TEK: variants seen among roughly 807,000 people sequenced by gnomAD.
The protein encoded by TEK is TEK receptor tyrosine kinase, also known as angiopoietin-1 receptor.
In TEK, 43 loss-of-function variants were observed where a neutral mutation model predicts 131.8. The ratio of observed to expected loss-of-function variants is 0.33; its 90% CI spans 0.26 to 0.42. The LOEUF (loss-of-function observed/expected upper bound fraction) is 0.42. TEK is among the 10% of genes least tolerant of loss of function. TEK has a pLI of 1.00. For missense variants in TEK, 1,162 were observed against 1,384.4 expected (o/e 0.84, Z 2.55); for synonymous variants, 580 against 491.6 (o/e 1.18, Z -2.38).
chr9:27,123,066 A>AAAAAAAAAAC lies in TEK; in HGVS notation c.52+13433_52+13434insCAAAAAAAAA, dbSNP rs1821857187. Among the ~76,000 whole-genome samples, 2 of 149,952 alleles carry AAAAAAAAAAC rather than the reference A, an allele frequency of 1.3e-5. 1 individual carries two copies. The highest frequency in any genetic ancestry group is 3.0e-5 in the Non-Finnish European group (2 of 67,418). ...AGACTCTGTCTCAAAAAAAAAAAAAAAAAAAAAAAAAACTGGAGGAAAGAG... is the reference window on the plus strand; with the variant it reads ...AGACTCTGTCTCAAAAAAAAAAAAAAAAAAAAAAACAAAAAAAAAAAACTGGAGGAAAGAG... On this transcript the variant is annotated intron_variant, in intron 1 of 22. Transcript: ENST00000380036.
chr9:27,125,440 C>G (rs1317661428), intron 1 of TEK, among the ~76,000 whole-genome samples: 1 of 152,216 alleles, frequency 6.6e-6, no homozygotes, highest in African/African-American at 2.4e-5. Context: ...GTGACTAAGA[C>G]TAGCTTCTAT....
At chr9:27,212,007 G>A (rs80009155) in intron 16 of TEK, among the ~76,000 whole-genome samples, 45,616 of 146,056 alleles carry the variant, frequency 0.31, 7,603 homozygotes, top group East Asian at 0.58. Context: ...AAAAAAAAGA[G>A]AGAGAGAAAT....
chr9:27,226,892 C>G (rs1342163069), intron 21 of TEK, among the ~76,000 whole-genome samples: 1 of 152,066 alleles, frequency 6.6e-6, no homozygotes, highest in Non-Finnish European at 1.5e-5. Context: ...CTGCAAGGCT[C>G]TAGGTTGAGC....
Position 27,109,314 on chromosome 9 carries a change from G to A in TEK, c.-277G>A. 1.8e-6 allele frequency: 1 copy of A among 569,338 alleles called. No homozygotes were observed. Among genetic ancestry groups the A allele is most frequent in the Non-Finnish European group, 3.1e-6 (1 of 325,278 alleles). The allele number at this position is 569,338 out of a possible 1,614,324, so 35.3% of individuals were successfully genotyped here. On this transcript the variant is annotated 5_prime_UTR_variant, in exon 1 of 23. In the 5' UTR this introduces an upstream ATG that the reference lacks. Coordinates refer to ENST00000380036, the MANE Select transcript of TEK (RefSeq NM_000459.5). Reference sequence around the variant, plus strand: ...GAATTGCGAGATGGATAGGGCTTGAGTGCCCCCAGCCCTGCTGATACCAAA... The same window carrying A: ...GAATTGCGAGATGGATAGGGCTTGAATGCCCCCAGCCCTGCTGATACCAAA...
At chr9:27,139,786 G>C (rs1409040170) in intron 1 of TEK, among the ~76,000 whole-genome samples, 2 of 151,956 alleles carry the variant, frequency 1.3e-5, no homozygotes, top group Non-Finnish European at 2.9e-5. Context: ...GAGAGGGAGA[G>C]GAAGAGAGAG....
intron 1 of TEK, among the ~76,000 whole-genome samples, chr9:27,142,214 G>T (rs1171852466): frequency 6.6e-6 from 1 of 152,218 alleles, no homozygotes; most frequent in Non-Finnish European, 1.5e-5. Flanking sequence ...TGAAAGAGTT[G>T]TTGACAATAA....
At chr9:27,137,571 A>G (rs1349995718) in intron 1 of TEK, among the ~76,000 whole-genome samples, 1 of 152,090 alleles carries the variant, frequency 6.6e-6, no homozygotes, top group African/African-American at 2.4e-5. Flanking sequence ...TTACTTTTTG[A>G]GTTCAACTTT....
At chr9:27,183,706 C>A in intron 8 of TEK, 96 bp downstream of exon 8, 1 of 1,496,916 alleles carries the variant, frequency 6.7e-7, no homozygotes, top group Non-Finnish European at 9.3e-7. Flanking sequence ...GTGCTTTTAT[C>A]CTCCTAGGCT....
At chr9:27,130,513 T>C (rs1467455689) in intron 1 of TEK, among the ~76,000 whole-genome samples, 1 of 151,220 alleles carries the variant, frequency 6.6e-6, no homozygotes, top group African/African-American at 2.4e-5. Context: ...AAACTAAAAA[T>C]CAGCACACTT....
chr9:27,222,236 A>C (rs1400540075), intron 21 of TEK, among the ~76,000 whole-genome samples: 1 of 152,206 alleles, frequency 6.6e-6, no homozygotes. Context: ...ACTACGTGAA[A>C]AGACCAAACC....
intron 1 of TEK, among the ~76,000 whole-genome samples, chr9:27,139,082 G>A (rs980090680): frequency 2.0e-5 from 3 of 151,336 alleles, no homozygotes; most frequent in Admixed American, 6.6e-5. Flanking sequence ...GGTGGTGGGC[G>A]TCTGTAGTCC....
At chr9:27,118,423 C>G (rs549693908) in intron 1 of TEK, among the ~76,000 whole-genome samples, 4 of 151,990 alleles carry the variant, frequency 2.6e-5, no homozygotes, top group African/African-American at 7.3e-5. Context: ...TTGCTTGAGC[C>G]AAGGAGTTCG....
At chr9:27,217,578 T>G in intron 18 of TEK, 110 bp from the exon 19 acceptor site, 2 of 922,730 alleles carry the variant, frequency 2.2e-6, no homozygotes, top group Non-Finnish European at 1.8e-6. Context: ...CACAAAGCAA[T>G]GATTTCTGAG....
At position 27,209,175 on chromosome 9, in the gene TEK, G is replaced by A. The variant is rs1825510198; in HGVS notation, c.2630G>A (p.Cys877Tyr). 6.2e-7 allele frequency: 1 copy of A among 1,614,082 alleles called. No individual in the cohort carries two copies. The highest frequency in any genetic ancestry group is 1.1e-5 in the South Asian group (1 of 91,084). ...RDFAGELEVL[C>Y]KLGHHPNIIN... ...TTTGCAGGAGAACTGGAAGTTCTTT[G>A]TAAACTTGGACACCATCCAAACATC... The change falls in exon 16 of 23, where the codon TGT becomes TAT. Residue 877 changes from cysteine (C) to tyrosine (Y), a missense_variant. Physicochemically the swap from Cys to Tyr is radical, Grantham distance 194. Coordinates refer to ENST00000380036, the MANE Select transcript of TEK (RefSeq NM_000459.5).
At chr9:27,109,941 C>T (rs2131018672) in intron 1 of TEK, among the ~76,000 whole-genome samples, 1 of 151,270 alleles carries the variant, frequency 6.6e-6, no homozygotes, top group South Asian at 2.1e-4. Context: ...GCATTATTTT[C>T]CTGCTCCTCA....
chr9:27,219,725 CAGA>C, intron 20 of TEK, among the ~76,000 whole-genome samples: 1 of 151,050 alleles, frequency 6.6e-6, no homozygotes. Flanking sequence ...GACTTCCAAT[CAGA>C]AAAAAAGGTT....
At chr9:27,201,342 C>A (rs964032028) in intron 12 of TEK, among the ~76,000 whole-genome samples, 1 of 152,126 alleles carries the variant, frequency 6.6e-6, no homozygotes, top group Admixed American at 6.5e-5. Flanking sequence ...CTTTTTGTGA[C>A]AGGCTTAGAA....
chr9:27,157,003 G>A (rs1466128361), intron 1 of TEK, among the ~76,000 whole-genome samples: 3 of 152,172 alleles, frequency 2.0e-5, no homozygotes, highest in Non-Finnish European at 4.4e-5. Flanking sequence ...GGAGGGGAGA[G>A]AGAGAAAGAA....
chr9:27,138,548 C>A (rs1195932013), intron 1 of TEK, among the ~76,000 whole-genome samples: 1 of 152,262 alleles, frequency 6.6e-6, no homozygotes, highest in Non-Finnish European at 1.5e-5. Context: ...CCCACTTGAC[C>A]CAGGAAGTCC....
Sources: allele counts gnomAD v4.1 joint callset (sites outside exome capture counted in the v4.1 genomes callset), GRCh38; gene constraint gnomAD v4.1.1; transcripts MANE v1.5; gene names NCBI Gene and HGNC (gene_info 2026-07-23, HGNC 2026-07-21).